Variants in MGLL observed in about 807,000 individuals in gnomAD.
MGLL encodes monoglyceride lipase.
MGLL carries 7 observed loss-of-function variants against 29.1 expected under a neutral mutation model. The observed-to-expected ratio is 0.24, with a 90% confidence interval of 0.14 to 0.45. The LOEUF (loss-of-function observed/expected upper bound fraction) is 0.45. MGLL is among the 20% of genes least tolerant of loss of function. MGLL has a pLI of 0.99. For synonymous variants in MGLL, 148 were observed against 168.3 expected (o/e 0.88, Z 0.93); for missense variants, 356 against 413.6 (o/e 0.86, Z 1.21).
At chr3:127,741,987 A>G (rs2076349314) in intron 3 of MGLL, among the ~76,000 whole-genome samples, 1 of 152,182 alleles carries the variant, frequency 6.6e-6, no homozygotes, top group South Asian at 2.1e-4. Context: ...GAGTGACTTC[A>G]ATTTTTTGCT....
Position 127,794,108 on chromosome 3 carries a change from G to A in MGLL, c.156-12213C>T, listed in dbSNP as rs1458361554. ...GCAGATCACTTGAGGCCAGTAGTTC[G>A]AGACCAGGCTGGCCAACATGGCGAA... is the stretch of plus-strand genomic sequence containing the variant. On this transcript the variant is annotated intron_variant, in intron 2 of 7. Coordinates refer to ENST00000265052, the MANE Select transcript of MGLL (RefSeq NM_007283.7). 2.6e-5 allele frequency among the ~76,000 whole-genome samples: 4 copies of A among 152,126 alleles called. No homozygotes were observed. The East Asian group carries it at 5.8e-4, about 22-fold the overall frequency.
chr3:127,736,070 G>A (rs1327472318), intron 3 of MGLL: 1 of 1,291,932 alleles, frequency 7.7e-7, no homozygotes, highest in Admixed American at 3.5e-5. Flanking sequence ...GTTGTCCTCT[G>A]TGAGATTACA....
chr3:127,766,005 C>T (rs1041744295), intron 3 of MGLL, among the ~76,000 whole-genome samples: 3 of 152,152 alleles, frequency 2.0e-5, no homozygotes, highest in East Asian at 1.9e-4. Context: ...ATTTAATCTT[C>T]GCCAGGTAGA....
At chr3:127,732,452 G>A (rs933437242) in intron 3 of MGLL, among the ~76,000 whole-genome samples, 1 of 152,206 alleles carries the variant, frequency 6.6e-6, no homozygotes, top group East Asian at 1.9e-4. Context: ...CACTCTCACA[G>A]CTCAGGGCAA....
chr3:127,692,115 T>TTAA lies in MGLL; in HGVS notation c.*82_*83insTTA. 1 of 492,142 alleles carries TTAA rather than the reference T, an allele frequency of 2.0e-6. No homozygotes were observed. Among genetic ancestry groups the TTAA allele is most frequent in the Non-Finnish European group, 3.2e-6 (1 of 316,768 alleles). 30.5% of individuals were successfully genotyped at this position (492,142 alleles called of 1,614,324 possible). A position where few individuals can be genotyped will look rare whatever the true frequency, so the allele number is the denominator to read the frequency against. ...TCTGATTTTTTTTTTTTTTTTTTTT[T>TTAA]GGCAAGCCATATCTGAGAAGCCATC... On this transcript the variant is annotated 3_prime_UTR_variant, in exon 8 of 8. Coordinates refer to ENST00000265052, the MANE Select transcript of MGLL (RefSeq NM_007283.7).
chr3:127,720,968 C>G (rs2075907275), intron 5 of MGLL, 85 bp downstream of exon 5: 1 of 1,238,698 alleles, frequency 8.1e-7, no homozygotes, highest in Non-Finnish European at 1.2e-6. Context: ...GGCCTTTGGT[C>G]TTTTTACATA....
chr3:127,813,938 C>T (rs1465406532), intron 2 of MGLL, among the ~76,000 whole-genome samples: 1 of 151,996 alleles, frequency 6.6e-6, no homozygotes, highest in Admixed American at 6.6e-5. Flanking sequence ...TCATTCTCTC[C>T]TCTATCCTTC....
chr3:127,820,674 T>C (rs2077843054), intron 2 of MGLL, among the ~76,000 whole-genome samples: 2 of 152,340 alleles, frequency 1.3e-5, no homozygotes, highest in Non-Finnish European at 2.9e-5. Flanking sequence ...CTAATGCGTA[T>C]GCACGTACAG....
chr3:127,802,219 C>T (rs969688172), intron 2 of MGLL, among the ~76,000 whole-genome samples: 10 of 152,246 alleles, frequency 6.6e-5, no homozygotes, highest in South Asian at 2.1e-4. Context: ...GCTAGAGTTG[C>T]GGAGTGTAAG....
chr3:127,759,972 C>T (rs2076734295), intron 3 of MGLL, among the ~76,000 whole-genome samples: 1 of 152,254 alleles, frequency 6.6e-6, no homozygotes, highest in Admixed American at 6.5e-5. Context: ...GCAGCTGGCC[C>T]CTGCCTCTCA....
At chr3:127,764,796 A>G (rs987070193) in intron 3 of MGLL, among the ~76,000 whole-genome samples, 2 of 152,152 alleles carry the variant, frequency 1.3e-5, no homozygotes, top group Non-Finnish European at 2.9e-5. Context: ...TAAGGCGGAA[A>G]AGTAGTCACC....
intron 3 of MGLL, 90 bp downstream of exon 3, chr3:127,781,699 A>G: frequency 8.6e-7 from 1 of 1,156,776 alleles, no homozygotes; most frequent in East Asian, 2.3e-5. Flanking sequence ...AGAAGAATTG[A>G]GAAGGATGCT....
intron 3 of MGLL, among the ~76,000 whole-genome samples, chr3:127,753,089 A>G (rs148267306): frequency 6.6e-6 from 1 of 152,326 alleles, no homozygotes; most frequent in Non-Finnish European, 1.5e-5. Context: ...GAATCATTAC[A>G]AAAATGAGAG....
In MGLL at chr3:127,691,936, T is replaced by G; in HGVS notation, c.*262A>C. On this transcript the variant is annotated 3_prime_UTR_variant, in exon 8 of 8. Coordinates refer to ENST00000265052, the MANE Select transcript of MGLL (RefSeq NM_007283.7). The stretch of plus-strand genomic sequence containing the variant: ...GGCTTGGCTTTGTTTTCAGTGGACA[T>G]TTTAGCACATTCTTTGTGGAAAATC... 2.0e-6 allele frequency: 1 copy of G among 494,002 alleles called. No homozygotes were observed. Among genetic ancestry groups the G allele is most frequent in the Non-Finnish European group, 3.6e-6 (1 of 277,106 alleles). 30.6% of individuals were successfully genotyped at this position (494,002 alleles called of 1,614,324 possible). A position where few individuals can be genotyped will look rare whatever the true frequency, so the allele number is the denominator to read the frequency against.
intron 2 of MGLL, among the ~76,000 whole-genome samples, chr3:127,814,745 GC>G (rs2077725859): frequency 6.6e-6 from 1 of 152,336 alleles, no homozygotes; most frequent in East Asian, 1.9e-4. Flanking sequence ...AGCTGGCCTT[GC>G]CTCTTGCCAT....
intron 2 of MGLL, among the ~76,000 whole-genome samples, chr3:127,798,042 T>C (rs577321441): frequency 3.3e-5 from 5 of 152,316 alleles, no homozygotes; most frequent in South Asian, 2.1e-4. Flanking sequence ...GTGAAACAGA[T>C]ATATGTATTA....
chr3:127,789,077 C>A (rs1429092379), intron 2 of MGLL, among the ~76,000 whole-genome samples: 1 of 152,060 alleles, frequency 6.6e-6, no homozygotes, highest in Non-Finnish European at 1.5e-5. Context: ...AAACGCTCCA[C>A]TGGAGAGGTG....
chr3:127,720,731 C>T (rs1361621685), intron 5 of MGLL, among the ~76,000 whole-genome samples: 1 of 152,236 alleles, frequency 6.6e-6, no homozygotes, highest in African/African-American at 2.4e-5. Flanking sequence ...AAAAACAGCC[C>T]AGGCCTTGAG....
intron 2 of MGLL, among the ~76,000 whole-genome samples, chr3:127,796,729 A>G (rs1393957844): frequency 5.3e-5 from 8 of 152,220 alleles, no homozygotes; most frequent in Non-Finnish European, 1.2e-4. Flanking sequence ...ACTGAACCTC[A>G]GCAAAGCTCT....
Sources: allele counts gnomAD v4.1 joint callset (sites outside exome capture counted in the v4.1 genomes callset), GRCh38; gene constraint gnomAD v4.1.1; transcripts MANE v1.5; gene names NCBI Gene and HGNC (gene_info 2026-07-23, HGNC 2026-07-21).